Variants in ADGRE2 observed in about 807,000 individuals in gnomAD.
ADGRE2 encodes CD97 antigen.
Under a neutral mutation model 100.8 loss-of-function variants are expected in ADGRE2, and 83 were observed. The observed-to-expected ratio is 0.82, with a 90% CI of 0.69 to 0.99. ADGRE2 has a LOEUF of 0.99. Ranked by LOEUF, ADGRE2 falls within the 50% of genes least tolerant of loss-of-function variation. The probability of loss-of-function intolerance (pLI) is 0.00; values close to 1 mark genes in which losing one functional copy is unlikely to be tolerated. For synonymous variants in ADGRE2, 355 were observed against 413.0 expected (o/e 0.86, Z 1.70); for missense variants, 814 against 1,035.7 (o/e 0.79, Z 2.94).
At chr19:14,769,587 A>C in intron 5 of ADGRE2, among the ~76,000 whole-genome samples, 1 of 152,202 alleles carries the variant, frequency 6.6e-6, no homozygotes, top group East Asian at 1.9e-4. Context: ...GATGGGGTCC[A>C]TGAGAGCCCT....
At chr19:14,774,150 T>C in intron 3 of ADGRE2, 96 bp from the exon 4 acceptor site, 3 of 1,522,424 alleles carry the variant, frequency 2.0e-6, no homozygotes, top group Non-Finnish European at 2.7e-6. Context: ...GAGTTTCCCG[T>C]GCACGAGCCC....
intron 2 of ADGRE2, among the ~76,000 whole-genome samples, chr19:14,775,226 A>C (rs1456305496): frequency 6.6e-6 from 1 of 151,752 alleles, no homozygotes; most frequent in Admixed American, 6.6e-5. Context: ...GCTGGTCTTG[A>C]ACTCCTAACC....
chr19:14,746,103 G>C, intron 18 of ADGRE2, 129 bp downstream of exon 18: 1 of 642,508 alleles, frequency 1.6e-6, no homozygotes. Context: ...TAGAAGGATG[G>C]CTGCGTCTGT....
chr19:14,765,611 G>C (rs1477867330), intron 8 of ADGRE2, 41 bp from the exon 9 acceptor site: 1 of 1,614,202 alleles, frequency 6.2e-7, no homozygotes, highest in African/African-American at 1.3e-5. Context: ...GCGGGAGCGT[G>C]TCAGTGTGTG....
rs748930290 is a variant in ADGRE2 at position 14,735,725 on chromosome 19, A to G, written c.*511T>C. 1 of 152,542 alleles carries G rather than the reference A, an allele frequency of 6.6e-6. No homozygotes were observed. The highest frequency in any genetic ancestry group is 1.5e-5 in the Non-Finnish European group (1 of 68,312). The allele number at this position is 152,542 out of a possible 1,614,324, so 9.4% of individuals were successfully genotyped here. ...GCAGGAGCCGTGTCTCTCTTGATCTATGTGTGAGTAATCAATATTTTTCAC... is the reference window on the plus strand; with the variant it reads ...GCAGGAGCCGTGTCTCTCTTGATCTGTGTGTGAGTAATCAATATTTTTCAC... On this transcript the variant is annotated 3_prime_UTR_variant, in exon 21 of 21. Transcript: ENST00000315576.
At position 14,774,005 on chromosome 19, in the gene ADGRE2, G is replaced by C. The variant is rs2044321968; in HGVS notation, c.132C>G (p.Ala44=). Residue 44 remains alanine, a synonymous_variant, in exon 4 of 21, where the codon GCC becomes GCG. Transcript: ENST00000315576. Reference sequence around the variant, plus strand: ...AGCTGAACCCTGGATTGCAGCGACAGGCGGTGGCATTGACACACGAGGAGT... The same window carrying C: ...AGCTGAACCCTGGATTGCAGCGACACGCGGTGGCATTGACACACGAGGAGT... ...PQDSSCVNAT[A]CRCNPGFSSF... 1.9e-6 allele frequency: 3 copies of C among 1,614,150 alleles called. No individual in the cohort carries two copies. The highest frequency in any genetic ancestry group is 2.5e-6 in the Non-Finnish European group (3 of 1,180,034).
rs556429118 is a variant in ADGRE2 at position 14,774,195 on chromosome 19, G to C, written c.82+61C>G. On this transcript the variant is annotated intron_variant, in intron 3 of 20. Coordinates refer to ENST00000315576, the MANE Select transcript of ADGRE2 (RefSeq NM_013447.4). ...CTGGGCTGAAGGGGGCTGGGCGGGG[G>C]TCCAGGACCCTCCCCAGGCTCTGGC... 65 of 1,523,074 alleles carry C rather than the reference G, an allele frequency of 4.3e-5. No individual in the cohort carries two copies. The Middle Eastern group carries it at 7.2e-4, about 17-fold the overall frequency. The allele number at this position is 1,523,074 out of a possible 1,614,324, so 94.3% of individuals were successfully genotyped here.
At position 14,746,259 on chromosome 19, in the gene ADGRE2, C is replaced by T. The variant is rs1318923879; in HGVS notation, c.2156G>A (p.Ser719Asn). The change falls in exon 18 of 21, where the codon AGT (serine) becomes AAT (asparagine). Residue 719 changes from serine to asparagine, a missense_variant. Ser to Asn is a conservative substitution (Grantham distance 46). Transcript: ENST00000315576. ...ILKNRLSSLN[S>N]EVSTLRNTRM... ...TGTGTTCCGGAGGGTGGACACTTCA[C>T]TATTGAGGGAGGAGAGTCTGTTTTT... 1 of 1,608,782 alleles carries T rather than the reference C, an allele frequency of 6.2e-7. No individual in the cohort carries two copies. Among genetic ancestry groups the T allele is most frequent in the Admixed American group, 1.7e-5 (1 of 59,962 alleles).
In ADGRE2 at chr19:14,743,548, G is replaced by T. The variant is rs779317364; in HGVS notation, c.2353-18C>A. 6.2e-7 allele frequency: 1 copy of T among 1,613,888 alleles called. No homozygotes were observed. Among genetic ancestry groups the T allele is most frequent in the Non-Finnish European group, 8.5e-7 (1 of 1,179,746 alleles). On this transcript the variant is annotated intron_variant, in intron 19 of 20. Coordinates refer to ENST00000315576, the MANE Select transcript of ADGRE2 (RefSeq NM_013447.4). ...TCCCGGACCTGCAGAGGCAAAGTGT[G>T]TACTGGGTCAGCTCACAGAGAGCAG...
At chr19:14,763,670 TCTC>T (rs1246895660) in intron 11 of ADGRE2, among the ~76,000 whole-genome samples, 7 of 115,870 alleles carry the variant, frequency 6.0e-5, no homozygotes, top group South Asian at 3.4e-4. Context: ...CTCCTCCTCC[TCTC>T]CTCCTTCTCT....
chr19:14,765,342 C>A lies in ADGRE2; in HGVS notation c.884G>T (p.Gly295Val), dbSNP rs953292009. 2 of 1,614,130 alleles carry A rather than the reference C, an allele frequency of 1.2e-6. No individual in the cohort carries two copies. Among genetic ancestry groups the A allele is most frequent in the Admixed American group, 3.3e-5 (2 of 60,016 alleles). ...TACCTGGATGGTGTTATTGGCCAAG[C>A]CTGGCTTGTAGTCTCTGCCCAGGTC... Reference protein sequence around the residue: ...VQDLGRDYKPGLANNTIQSIL... With the variant: ...VQDLGRDYKPVLANNTIQSIL... Residue 295 changes from glycine (G) to valine (V), a missense_variant, in exon 10 of 21, where the codon GGC becomes GTC. Around this residue, in one of 5 missense-constraint regions of ADGRE2, gnomAD observed 569 missense variants for 692.7 expected, o/e 0.82. Transcript: ENST00000315576.
At chr19:14,737,910 G>T (rs2042805687) in intron 20 of ADGRE2, among the ~76,000 whole-genome samples, 1 of 151,744 alleles carries the variant, frequency 6.6e-6, no homozygotes, top group African/African-American at 2.4e-5. Context: ...CTGGGAGGTG[G>T]GGGTCACAGT....
intron 1 of ADGRE2, among the ~76,000 whole-genome samples, chr19:14,777,711 C>T (rs2335223): frequency 0.63 from 93,211 of 147,702 alleles, 29,718 homozygotes; most frequent in African/African-American, 0.73. Context: ...GTTCTCATTG[C>T]TCAGTTCCCA....
chr19:14,773,895 C>T (rs947533622), intron 4 of ADGRE2, 43 bp downstream of exon 4: 2 of 1,575,238 alleles, frequency 1.3e-6, no homozygotes, highest in Non-Finnish European at 1.7e-6. Flanking sequence ...GGCTATGCCT[C>T]ATAATCGCAG....
At chr19:14,746,822 T>C in intron 17 of ADGRE2, 74 bp downstream of exon 17, 2 of 1,454,242 alleles carry the variant, frequency 1.4e-6, no homozygotes, top group Admixed American at 3.7e-5. Context: ...CCTGCTCTTG[T>C]CACCATCTTT....
chr19:14,746,320 T>TGGCCGGGCGCGGTGGCTCACG lies in ADGRE2; in HGVS notation c.2094_2095insCGTGAGCCACCGCGCCCGGCC (p.Val698_Asn699insArgGluProProArgProAla). On this transcript the variant is annotated inframe_insertion, in exon 18 of 21. Coordinates refer to ENST00000315576, the MANE Select transcript of ADGRE2 (RefSeq NM_013447.4). ...AGAGTCACCAGAAAGAGAACTAAAT[T>TGGCCGGGCGCGGTGGCTCACG]CACCTTCAGAAAACCACAGAAGATT... 1.3e-6 allele frequency: 2 copies of TGGCCGGGCGCGGTGGCTCACG among 1,584,482 alleles called. No homozygotes were observed. Among genetic ancestry groups the TGGCCGGGCGCGGTGGCTCACG allele is most frequent in the African/African-American group, 2.7e-5 (2 of 73,854 alleles).
intron 2 of ADGRE2, among the ~76,000 whole-genome samples, chr19:14,775,739 T>C (rs1184670529): frequency 6.6e-6 from 1 of 150,914 alleles, no homozygotes; most frequent in Non-Finnish European, 1.5e-5. Flanking sequence ...AGACTCCTGT[T>C]ACCCAACTAC....
At chr19:14,769,785 G>A (rs560873630) in intron 5 of ADGRE2, among the ~76,000 whole-genome samples, 5 of 152,104 alleles carry the variant, frequency 3.3e-5, no homozygotes, top group African/African-American at 4.8e-5. Context: ...TGCAAGCTCC[G>A]CCTCCCAGGT....
At chr19:14,771,621 C>CTTATTTATTTATTTATTTATTTAT (rs369899556) in intron 5 of ADGRE2, among the ~76,000 whole-genome samples, 60 of 143,592 alleles carry the variant, frequency 4.2e-4, no homozygotes, top group East Asian at 1.4e-3. Context: ...GCATCCATTG[C>CTTATTTATTTATTTATTTATTTAT]TTATTTATTT....
Sources: gnomAD v4.1 joint callset for allele counts (sites outside exome capture counted in the v4.1 genomes callset) on GRCh38, gnomAD v4.1.1 for gene constraint, gnomAD v4.1.1 regional missense constraint, MANE v1.5 for transcripts, NCBI Gene and HGNC (gene_info 2026-07-23, HGNC 2026-07-21) for gene names.